The following TRIO variants were observed in gnomAD, a reference collection of about 807,000 sequenced individuals.
TRIO encodes trio Rho guanine nucleotide exchange factor.
Under a neutral mutation model 351.9 loss-of-function variants are expected in TRIO, and 58 were observed. That is an observed-to-expected ratio of 0.16 (90% confidence interval 0.13 to 0.21). The LOEUF (loss-of-function observed/expected upper bound fraction) is 0.21, where lower values mean the gene tolerates loss of function less well. TRIO is among the 10% of genes least tolerant of loss of function. The pLI is 1.00. For missense variants in TRIO, 3,201 were observed against 4,027.8 expected, an observed-to-expected ratio of 0.79 and a Z score of 5.56; for synonymous variants, 1,758 against 1,595.7, an observed-to-expected ratio of 1.10 and a Z score of -2.42.
At chr5:14,332,377 G>A (rs1740981691) in intron 10 of TRIO, among the ~76,000 whole-genome samples, 1 of 152,120 alleles carries the variant, frequency 6.6e-6, no homozygotes. Context: ...TGACTCCCTG[G>A]TCATGACTTA....
At chr5:14,302,054 T>C (rs1266705368) in intron 7 of TRIO, among the ~76,000 whole-genome samples, 1 of 152,206 alleles carries the variant, frequency 6.6e-6, no homozygotes, top group Non-Finnish European at 1.5e-5. Flanking sequence ...AGAAGTATAA[T>C]CAGTGCCCTC....
intron 10 of TRIO, among the ~76,000 whole-genome samples, chr5:14,331,959 T>C (rs1372294965): frequency 6.6e-6 from 1 of 152,188 alleles, no homozygotes; most frequent in East Asian, 1.9e-4. Context: ...TGCAAATAAC[T>C]GTCAGGAAGA....
intron 11 of TRIO, among the ~76,000 whole-genome samples, chr5:14,346,217 G>C (rs995669319): frequency 2.6e-5 from 4 of 152,186 alleles, no homozygotes; most frequent in Non-Finnish European, 5.9e-5. Flanking sequence ...AGGAAGGGTT[G>C]AGCTTTCTGC....
chr5:14,205,265 T>C (rs1373377491), intron 1 of TRIO, among the ~76,000 whole-genome samples: 1 of 152,182 alleles, frequency 6.6e-6, no homozygotes, highest in Non-Finnish European at 1.5e-5. Flanking sequence ...GCTGTTTCTT[T>C]TGTGGATTGC....
At chr5:14,335,172 A>C (rs1183597901) in intron 10 of TRIO, among the ~76,000 whole-genome samples, 1 of 152,142 alleles carries the variant, frequency 6.6e-6, no homozygotes, top group Non-Finnish European at 1.5e-5. Context: ...CCTTTTCTCA[A>C]ATAGAGAAAC....
intron 1 of TRIO, among the ~76,000 whole-genome samples, chr5:14,270,555 T>C (rs1293288011): frequency 1.3e-5 from 2 of 152,358 alleles, no homozygotes; most frequent in Non-Finnish European, 2.9e-5. Flanking sequence ...TGTCTCCTTT[T>C]GGGACCAAGT....
chr5:14,374,164 G>T (rs1028692652), intron 18 of TRIO, 65 bp from the exon 19 acceptor site: 2 of 1,215,270 alleles, frequency 1.6e-6, no homozygotes, highest in Non-Finnish European at 1.2e-6. Flanking sequence ...GTGCAGTGAT[G>T]TGTACTCCAA....
At chr5:14,204,987 CCTT>C (rs548756041) in intron 1 of TRIO, among the ~76,000 whole-genome samples, 6 of 152,190 alleles carry the variant, frequency 3.9e-5, no homozygotes, top group Admixed American at 3.9e-4. Context: ...TGGTGTCACC[CCTT>C]CTTCAGGGTT....
At position 14,144,688 on chromosome 5, in the gene TRIO, C is replaced by T. The variant is rs568261085; in HGVS notation, c.157+806C>T. 5.9e-3 allele frequency among the ~76,000 whole-genome samples: 904 copies of T among 152,152 alleles called. 5 individuals carry two copies. Among genetic ancestry groups the T allele is most frequent in the Non-Finnish European group, 9.8e-3 (664 of 67,966 alleles). ...GTCCACCCCGGCGCAGAGGGGGTGG[C>T]CGCGGGAGAGGCGCGGGTGGCGACC... On this transcript the variant is annotated intron_variant, in intron 1 of 56. Coordinates refer to ENST00000344204, the MANE Select transcript of TRIO (RefSeq NM_007118.4).
chr5:14,194,555 G>A (rs1033298214), intron 1 of TRIO, among the ~76,000 whole-genome samples: 2 of 152,200 alleles, frequency 1.3e-5, no homozygotes, highest in African/African-American at 4.8e-5. Flanking sequence ...TTGAAATTCA[G>A]TGAAATCCAT....
Position 14,363,940 on chromosome 5 carries a change from A to G in TRIO, c.2587+13A>G, listed in dbSNP as rs1234994390. On this transcript the variant is annotated intron_variant, in intron 14 of 56. Transcript: ENST00000344204. ...GTCCAGGCCTCTGGTAAGAGGGCTCACTCCATCTGTGTCCGTTGTGATTTC... is the reference window on the plus strand; with the variant it reads ...GTCCAGGCCTCTGGTAAGAGGGCTCGCTCCATCTGTGTCCGTTGTGATTTC... 2.5e-6 allele frequency: 4 copies of G among 1,603,372 alleles called. No homozygotes were observed. Among genetic ancestry groups the G allele is most frequent in the Non-Finnish European group, 3.4e-6 (4 of 1,172,900 alleles).
chr5:14,485,181 G>A lies in TRIO; in HGVS notation c.6770G>A (p.Ser2257Asn), dbSNP rs1755828583. The change falls in exon 47 of 57, where the codon AGT becomes AAT. Residue 2257 changes from serine to asparagine, a missense_variant. This residue lies in a region of TRIO where 1,089 missense variants were observed against 954.9 expected (regional missense o/e 1.14). Coordinates refer to ENST00000344204, the MANE Select transcript of TRIO (RefSeq NM_007118.4). Reference sequence around the variant, plus strand: ...TTCATTTTGCATTCATCTAGTCCAAGTGTCCGGCAAACTTGGATCCATGAA... The same window carrying A: ...TTCATTTTGCATTCATCTAGTCCAAATGTCCGGCAAACTTGGATCCATGAA... ...ETFILHSSSP[S>N]VRQTWIHEIN... is the part of the protein sequence containing the mutation. The A allele has an allele frequency of 6.3e-7, 1 of 1,590,124 alleles. No homozygotes were observed. The highest frequency in any genetic ancestry group is 8.6e-7 in the Non-Finnish European group (1 of 1,161,076).
At chr5:14,353,538 C>G (rs961940172) in intron 11 of TRIO, among the ~76,000 whole-genome samples, 1 of 152,122 alleles carries the variant, frequency 6.6e-6, no homozygotes, top group Non-Finnish European at 1.5e-5. Context: ...CTGGGAAATA[C>G]AGGCGTGAAC....
chr5:14,147,535 T>G (rs537360487), intron 1 of TRIO, among the ~76,000 whole-genome samples: 7 of 152,314 alleles, frequency 4.6e-5, no homozygotes, highest in African/African-American at 1.2e-4. Flanking sequence ...TAAATGAATA[T>G]CTGGAGAATA....
At position 14,227,751 on chromosome 5, in the gene TRIO, C is replaced by G. The variant is rs77441483; in HGVS notation, c.158-43074C>G. Among the ~76,000 whole-genome samples the G allele has an allele frequency of 1.1e-3, 174 of 152,252 alleles. 1 individual carries two copies. The East Asian group carries it at 0.028, about 24-fold the overall frequency. On this transcript the variant is annotated intron_variant, in intron 1 of 56. Transcript: ENST00000344204. ...GGGTTTAAGTAATCTGATACGGACT[C>G]TTAACTCTTAGGTTGTTTACTAATT...
rs1014644822 is a variant in TRIO, at chr5:14,486,376, T to G, written c.6836-1088T>G. On this transcript the variant is annotated intron_variant, in intron 47 of 56. Coordinates refer to ENST00000344204, the MANE Select transcript of TRIO (RefSeq NM_007118.4). ...ACTCAGTGAAAAATCTCAAGCCTCA[T>G]GGCATTTTTAGCCAAGTGTTATGTG... Among the ~76,000 whole-genome samples the G allele has an allele frequency of 5.3e-5, 8 of 152,354 alleles. 1 individual carries two copies. The East Asian group carries it at 1.5e-3, about 29-fold the overall frequency.
chr5:14,160,230 G>A (rs1417536620), intron 1 of TRIO, among the ~76,000 whole-genome samples: 3 of 152,192 alleles, frequency 2.0e-5, no homozygotes, highest in Non-Finnish European at 4.4e-5. Flanking sequence ...CTGCTGGGTA[G>A]AATGCCTGCA....
intron 1 of TRIO, among the ~76,000 whole-genome samples, chr5:14,231,154 C>T (rs1581403625): frequency 1.3e-5 from 2 of 152,144 alleles, no homozygotes; most frequent in African/African-American, 4.8e-5. Context: ...CTCTTGTGAC[C>T]CCGTTATACT....
intron 56 of TRIO, 65 bp downstream of exon 56, chr5:14,507,325 G>C: frequency 6.3e-7 from 1 of 1,589,516 alleles, no homozygotes; most frequent in African/African-American, 1.3e-5. Flanking sequence ...GCGGGACACA[G>C]AGCCCCCTCT....
Sources: gnomAD v4.1 joint callset for allele counts (sites outside exome capture counted in the v4.1 genomes callset) on GRCh38, gnomAD v4.1.1 for gene constraint, gnomAD v4.1.1 regional missense constraint, MANE v1.5 for transcripts, NCBI Gene and HGNC (gene_info 2026-07-23, HGNC 2026-07-21) for gene names.